MTHFD1: variants seen among roughly 807,000 people sequenced by gnomAD.
MTHFD1 encodes C-1-tetrahydrofolate synthase, cytoplasmic.
A neutral mutation model predicts 110.3 loss-of-function variants in MTHFD1; 44 were observed. The observed-to-expected ratio is 0.40, with a 90% confidence interval of 0.31 to 0.51. The LOEUF (loss-of-function observed/expected upper bound fraction) is 0.51. MTHFD1 is among the 20% of genes least tolerant of loss of function. The pLI is 0.60. For missense variants in MTHFD1, 909 were observed against 1,173.1 expected (o/e 0.77, Z 3.29); for synonymous variants, 402 against 428.8 (o/e 0.94, Z 0.77).
chr14:64,442,137 C>G lies in MTHFD1; in HGVS notation c.1968C>G (p.Leu656=). The change falls in exon 20 of 28, where the codon CTC becomes CTG. Residue 656 remains leucine (L), a synonymous_variant. Coordinates refer to ENST00000652337, the MANE Select transcript of MTHFD1 (RefSeq NM_005956.4). ...NSSIIADRIA[L]KLVGPEGFVV... Reference sequence around the variant, plus strand: ...CCATCATTGCAGACCGGATCGCACTCAAGCTTGTTGGCCCAGAAGGGTTTG... The same window carrying G: ...CCATCATTGCAGACCGGATCGCACTGAAGCTTGTTGGCCCAGAAGGGTTTG... The G allele has an allele frequency of 1.2e-6, 2 of 1,614,150 alleles. No individual in the cohort carries two copies.
At chr14:64,401,695 C>T (rs1489531152) in intron 2 of MTHFD1, among the ~76,000 whole-genome samples, 10 of 68,842 alleles carry the variant, frequency 1.5e-4, no homozygotes, top group African/African-American at 2.2e-4. Context: ...AGAGAGATTC[C>T]GTCTCAAAAA....
intron 22 of MTHFD1, among the ~76,000 whole-genome samples, chr14:64,446,241 T>C (rs780256535): frequency 1.8e-4 from 28 of 152,226 alleles, no homozygotes; most frequent in Non-Finnish European, 3.1e-4. Flanking sequence ...TTTCATGAAT[T>C]ATATACATGT....
chr14:64,424,983 T>G, intron 9 of MTHFD1, 52 bp downstream of exon 9: 1 of 1,610,364 alleles, frequency 6.2e-7, no homozygotes, highest in South Asian at 1.1e-5. Context: ...GATCGAGTTT[T>G]GGCTGCTTTT....
chr14:64,430,371 T>A, intron 13 of MTHFD1, 141 bp downstream of exon 13: 1 of 778,752 alleles, frequency 1.3e-6, no homozygotes, highest in Non-Finnish European at 2.2e-6. Flanking sequence ...CAATCTCGGC[T>A]CACTGCAACC....
At chr14:64,391,453 C>G (rs1279257852) in intron 1 of MTHFD1, among the ~76,000 whole-genome samples, 1 of 152,236 alleles carries the variant, frequency 6.6e-6, no homozygotes, top group African/African-American at 2.4e-5. Context: ...GTGTGAGCCA[C>G]TGCGCCCCCG....
chr14:64,431,473 T>C lies in MTHFD1; in HGVS notation c.1312-59T>C. The C allele has an allele frequency of 5.6e-6, 8 of 1,429,934 alleles. No homozygotes were observed. The South Asian group carries it at 9.2e-5, about 17-fold the overall frequency. The allele number at this position is 1,429,934 out of a possible 1,614,324, so 88.6% of individuals were successfully genotyped here. A position where few individuals can be genotyped will look rare whatever the true frequency, so the allele number is the denominator to read the frequency against. On this transcript the variant is annotated intron_variant, in intron 13 of 27. Transcript: ENST00000652337. ...ATAGGGATTGAGCTTTGCAATAGAA[T>C]GAAAGTTGGAAAGATACAGAGCAGC...
chr14:64,402,121 T>G (rs185922937), intron 2 of MTHFD1, among the ~76,000 whole-genome samples: 4 of 152,382 alleles, frequency 2.6e-5, no homozygotes, highest in African/African-American at 9.6e-5. Flanking sequence ...TGAAACTCTA[T>G]CAGTGAACTT....
intron 1 of MTHFD1, among the ~76,000 whole-genome samples, chr14:64,390,722 CACTGCA>C (rs1211068013): frequency 6.6e-6 from 1 of 152,128 alleles, no homozygotes; most frequent in East Asian, 1.9e-4. Context: ...GATCTTGGCT[CACTGCA>C]ACCTCCACCT....
At chr14:64,444,572 C>A in intron 21 of MTHFD1, 121 bp from the exon 22 acceptor site, 1 of 1,107,236 alleles carries the variant, frequency 9.0e-7, no homozygotes, top group Non-Finnish European at 1.4e-6. Context: ...AGGAAATAAT[C>A]TTATACTACT....
At chr14:64,414,438 T>C (rs977079622) in intron 4 of MTHFD1, among the ~76,000 whole-genome samples, 6 of 152,042 alleles carry the variant, frequency 3.9e-5, no homozygotes, top group African/African-American at 1.4e-4. Context: ...ATTACAGGCA[T>C]GCGCCACTAT....
At chr14:64,415,294 A>AAT (rs2078016532) in intron 4 of MTHFD1, 64 bp from the exon 5 acceptor site, 1 of 1,472,114 alleles carries the variant, frequency 6.8e-7, no homozygotes, top group Non-Finnish European at 9.5e-7. Flanking sequence ...TTGCCTTAGA[A>AAT]AGTGTTTCTT....
chr14:64,453,578 A>C (rs1001036958), intron 24 of MTHFD1, among the ~76,000 whole-genome samples, 176 bp from the exon 25 acceptor site: 2 of 152,212 alleles, frequency 1.3e-5, no homozygotes, highest in Admixed American at 6.5e-5. Flanking sequence ...TCAAAAAAAC[A>C]AAAAGAAAGT....
At chr14:64,454,438 A>C (rs1294449833) in intron 25 of MTHFD1, among the ~76,000 whole-genome samples, 1 of 151,604 alleles carries the variant, frequency 6.6e-6, no homozygotes, top group Non-Finnish European at 1.5e-5. Flanking sequence ...TCTCATATCT[A>C]CTCCAAACTA....
intron 16 of MTHFD1, 62 bp downstream of exon 16, chr14:64,435,733 G>C (rs1596549730): frequency 1.0e-6 from 1 of 978,246 alleles, no homozygotes; most frequent in East Asian, 2.4e-5. Flanking sequence ...ACACCCTCCA[G>C]AAGAGTTGTT....
At position 64,418,019 on chromosome 14, in the gene MTHFD1, G is replaced by A. The variant is rs909891224; in HGVS notation, c.610G>A (p.Glu204Lys). The A allele has an allele frequency of 2.5e-6, 4 of 1,614,074 alleles. No homozygotes were observed. In the Admixed American group the frequency reaches 6.7e-5, roughly 27 times the overall value. The change falls in exon 7 of 28, where the codon GAG (glutamate) becomes AAG (lysine). Residue 204 changes from glutamate to lysine, a missense_variant. This residue lies in a region of MTHFD1 where 424 missense variants were observed against 510.4 expected (regional missense o/e 0.83). Transcript: ENST00000652337. Reference protein sequence around the residue: ...TCHSKTAHLDEEVNKGDILVV... With the variant: ...TCHSKTAHLDKEVNKGDILVV... ...CCACTCCAAGACTGCCCATCTGGAT[G>A]AGGAGGTAGGGTGTCCAGAGGAGAG...
intron 26 of MTHFD1, chr14:64,455,127 C>G: frequency 4.2e-6 from 2 of 475,874 alleles, no homozygotes; most frequent in Non-Finnish European, 7.7e-6. Flanking sequence ...TTCTGTTTCC[C>G]AGGGACAGTA....
At chr14:64,395,660 G>C (rs2077842295) in intron 1 of MTHFD1, among the ~76,000 whole-genome samples, 1 of 152,100 alleles carries the variant, frequency 6.6e-6, no homozygotes, top group Non-Finnish European at 1.5e-5. Context: ...TCTACCTCAG[G>C]GCATTGGGCA....
intron 1 of MTHFD1, among the ~76,000 whole-genome samples, chr14:64,395,114 T>C (rs1477239255): frequency 6.6e-6 from 1 of 152,248 alleles, no homozygotes; most frequent in Non-Finnish European, 1.5e-5. Flanking sequence ...AAGCACCGCT[T>C]CTTACAGATC....
chr14:64,431,100 A>T, intron 13 of MTHFD1, among the ~76,000 whole-genome samples: 1 of 144,990 alleles, frequency 6.9e-6, no homozygotes. Flanking sequence ...TTTAAGACAG[A>T]GTCTCACTCT....
Sources: allele counts gnomAD v4.1 joint callset (sites outside exome capture counted in the v4.1 genomes callset), GRCh38; gene constraint gnomAD v4.1.1; regional missense constraint gnomAD v4.1.1; transcripts MANE v1.5; gene names NCBI Gene and HGNC (gene_info 2026-07-23, HGNC 2026-07-21).